The following LRMDA variants were observed in gnomAD, a reference collection of about 807,000 sequenced individuals.
LRMDA encodes leucine-rich melanocyte differentiation-associated protein.
LRMDA carries 18 observed loss-of-function variants against 29.8 expected under a neutral mutation model. The observed-to-expected ratio is 0.60, with a 90% CI of 0.42 to 0.90. LRMDA has a LOEUF of 0.90. Among genes scored for constraint, LRMDA ranks in the 40% least tolerant of loss-of-function variants. The pLI is 0.00. For synonymous variants in LRMDA, 125 were observed against 109.4 expected (o/e 1.14, Z -0.89); for missense variants, 273 against 273.9 (o/e 1.00, Z 0.02).
chr10:76,007,419 G>T (rs1015308901), intron 2 of LRMDA, among the ~76,000 whole-genome samples: 27 of 152,060 alleles, frequency 1.8e-4, no homozygotes, highest in African/African-American at 6.0e-4. Flanking sequence ...CATGGAGCAG[G>T]GCTACAGGGT....
At chr10:76,076,314 C>A (rs1848956056) in intron 5 of LRMDA, among the ~76,000 whole-genome samples, 1 of 142,202 alleles carries the variant, frequency 7.0e-6, no homozygotes, top group South Asian at 2.2e-4. Context: ...CCACTGCACT[C>A]CAGCCTGGGC....
intron 2 of LRMDA, among the ~76,000 whole-genome samples, chr10:75,664,977 G>A (rs538871831): frequency 1.3e-5 from 2 of 152,258 alleles, no homozygotes; most frequent in Admixed American, 1.3e-4. Context: ...CTCCAGATGT[G>A]GAAATTGAGA....
chr10:75,651,222 A>G (rs1476121292), intron 2 of LRMDA, among the ~76,000 whole-genome samples: 1 of 152,172 alleles, frequency 6.6e-6, no homozygotes, highest in Non-Finnish European at 1.5e-5. Flanking sequence ...CTAAGCACCA[A>G]TCATGTATAC....
chr10:75,795,127 G>A (rs1450981747), intron 2 of LRMDA, among the ~76,000 whole-genome samples: 1 of 152,038 alleles, frequency 6.6e-6, no homozygotes, highest in Non-Finnish European at 1.5e-5. Context: ...TGGGCACAGT[G>A]GCTCACACCT....
chr10:75,592,626 G>A (rs1050381589), intron 2 of LRMDA, among the ~76,000 whole-genome samples: 2 of 152,184 alleles, frequency 1.3e-5, no homozygotes, highest in African/African-American at 4.8e-5. Flanking sequence ...ACCGTCGTCG[G>A]GCATAACGGG....
intron 5 of LRMDA, among the ~76,000 whole-genome samples, chr10:76,203,585 C>G (rs971991146): frequency 4.6e-5 from 7 of 152,242 alleles, no homozygotes; most frequent in African/African-American, 1.7e-4. Context: ...GCAGAGGACA[C>G]TTTGTAAAAC....
chr10:75,444,667 T>C (rs1334560567), intron 2 of LRMDA, among the ~76,000 whole-genome samples: 1 of 152,134 alleles, frequency 6.6e-6, no homozygotes, highest in Non-Finnish European at 1.5e-5. Flanking sequence ...TAGTGTGAAA[T>C]TGTATTTAAG....
chr10:75,877,999 T>C (rs1463360572), intron 2 of LRMDA, among the ~76,000 whole-genome samples: 3 of 152,088 alleles, frequency 2.0e-5, no homozygotes, highest in Admixed American at 6.5e-5. Flanking sequence ...CTGAAACCCC[T>C]TGGGGAAGCA....
chr10:76,292,067 C>T lies in LRMDA; in HGVS notation c.517-32334C>T, dbSNP rs1018023804. 3.3e-5 allele frequency among the ~76,000 whole-genome samples: 5 copies of T among 152,152 alleles called. No individual in the cohort carries two copies. In the South Asian group the frequency reaches 8.3e-4, roughly 25 times the overall value. On this transcript the variant is annotated intron_variant, in intron 5 of 6. Transcript: ENST00000611255. ...TATAATTAAGCCCATAGCAGGCCCC[C>T]GGTGGATGTTTACTAATGATGATAG...
At chr10:75,831,623 A>G (rs1222038274) in intron 2 of LRMDA, among the ~76,000 whole-genome samples, 1 of 152,156 alleles carries the variant, frequency 6.6e-6, no homozygotes, top group Admixed American at 6.5e-5. Context: ...GTGCCTCAGT[A>G]GGGACTCTGT....
At chr10:75,845,532 G>A (rs1264837975) in intron 2 of LRMDA, among the ~76,000 whole-genome samples, 1 of 152,136 alleles carries the variant, frequency 6.6e-6, no homozygotes, top group Non-Finnish European at 1.5e-5. Flanking sequence ...ACCTTCAGGT[G>A]GACACTTAGT....
Position 76,057,949 on chromosome 10 carries a change from G to C in LRMDA, c.399-717G>C, listed in dbSNP as rs143828158. Among the ~76,000 whole-genome samples the C allele has an allele frequency of 2.0e-3, 301 of 152,330 alleles. 4 individuals carry two copies. The highest frequency in any genetic ancestry group is 7.1e-3 in the African/African-American group (294 of 41,554). ...CTCCATATATACCTATTTGAGGACA[G>C]TTAATTACACTAGCAGCCATTGGCT... On this transcript the variant is annotated intron_variant, in intron 4 of 6. Transcript: ENST00000611255.
chr10:75,514,271 C>G (rs1229512997), intron 2 of LRMDA, among the ~76,000 whole-genome samples: 1 of 151,072 alleles, frequency 6.6e-6, no homozygotes, highest in Non-Finnish European at 1.5e-5. Flanking sequence ...TCATCCCCCT[C>G]CTCCTTCTTC....
chr10:75,588,365 G>A (rs980359136), intron 2 of LRMDA, among the ~76,000 whole-genome samples: 1 of 152,104 alleles, frequency 6.6e-6, no homozygotes, highest in African/African-American at 2.4e-5. Flanking sequence ...AAGAAAAGGG[G>A]CCAACGAGGG....
chr10:75,609,389 A>G (rs1390817862), intron 2 of LRMDA, among the ~76,000 whole-genome samples: 1 of 152,138 alleles, frequency 6.6e-6, no homozygotes, highest in Non-Finnish European at 1.5e-5. Flanking sequence ...TTTGAAAGTG[A>G]CGTTTAAGAA....
chr10:75,466,121 T>A (rs1844647158), intron 2 of LRMDA, among the ~76,000 whole-genome samples: 1 of 152,158 alleles, frequency 6.6e-6, no homozygotes, highest in Non-Finnish European at 1.5e-5. Flanking sequence ...AGGTCACACA[T>A]GTGATGAATT....
intron 5 of LRMDA, among the ~76,000 whole-genome samples, chr10:76,294,049 T>C (rs761990561): frequency 3.9e-5 from 6 of 152,168 alleles, no homozygotes; most frequent in Non-Finnish European, 8.8e-5. Context: ...CTCCACTGGA[T>C]AGGAGAGGAG....
rs1174024731 is a variant in LRMDA, at chr10:76,340,515, CAAAAAAAAA to C, written c.601+16044_601+16052del. On this transcript the variant is annotated intron_variant, in intron 6 of 6. Coordinates refer to ENST00000611255, the MANE Select transcript of LRMDA (RefSeq NM_001305581.2). The stretch of plus-strand genomic sequence containing the variant: ...TAGGTGACAGAGTGAGAACCTGTAT[CAAAAAAAAA>C]AAAAAAAAAAAAAGAGAGAGAGAGG... Among the ~76,000 whole-genome samples, 7 of 75,758 alleles carry C rather than the reference CAAAAAAAAA, an allele frequency of 9.2e-5. 1 individual carries two copies. Among genetic ancestry groups the C allele is most frequent in the African/African-American group, 3.9e-4 (7 of 17,892 alleles). 49.7% of individuals were successfully genotyped at this position (75,758 alleles called of 152,430 possible).
intron 2 of LRMDA, among the ~76,000 whole-genome samples, chr10:75,669,020 C>T (rs893486926): frequency 1.8e-4 from 28 of 152,192 alleles, no homozygotes; most frequent in African/African-American, 6.8e-4. Flanking sequence ...TAAGCAATGT[C>T]TTGACTCTGA....
Sources: gnomAD v4.1 joint callset for allele counts (sites outside exome capture counted in the v4.1 genomes callset) on GRCh38, gnomAD v4.1.1 for gene constraint, MANE v1.5 for transcripts, NCBI Gene and HGNC (gene_info 2026-07-23, HGNC 2026-07-21) for gene names.